Variants in ATAD2B observed in about 807,000 individuals in gnomAD.
The protein encoded by ATAD2B is ATPase family AAA domain-containing protein 2B.
Under a neutral mutation model 167.6 loss-of-function variants are expected in ATAD2B, and 40 were observed. That is an observed-to-expected ratio of 0.24 (90% CI 0.19 to 0.31). The LOEUF (loss-of-function observed/expected upper bound fraction) is 0.31, where lower values mean the gene tolerates loss of function less well. ATAD2B is among the 10% of genes least tolerant of loss of function. The probability of loss-of-function intolerance (pLI) is 1.00; values close to 1 mark genes in which losing one functional copy is unlikely to be tolerated. For synonymous variants in ATAD2B, 579 were observed against 596.5 expected, an observed-to-expected ratio of 0.97 and a Z score of 0.43; for missense variants, 1,242 against 1,757.2, an observed-to-expected ratio of 0.71 and a Z score of 5.24.
intron 19 of ATAD2B, among the ~76,000 whole-genome samples, chr2:23,792,812 A>C (rs1183200819): frequency 2.0e-5 from 3 of 151,706 alleles, no homozygotes; most frequent in Non-Finnish European, 4.4e-5. Flanking sequence ...AATACAAAAA[A>C]TTAGCTGGGC....
chr2:23,703,616 G>T, the ATAD2B span: 2 of 1,358,972 alleles, frequency 1.5e-6, no homozygotes, highest in Admixed American at 2.6e-5. Context: ...TCACTTGTTG[G>T]AAGTCTTTCG....
At chr2:23,694,503 A>G in the ATAD2B span, among the ~76,000 whole-genome samples, 1 of 152,096 alleles carries the variant, frequency 6.6e-6, no homozygotes, top group Non-Finnish European at 1.5e-5. Context: ...CATCTCATCC[A>G]TCCACTCAAA....
chr2:23,882,330 C>T (rs952140828), intron 6 of ATAD2B, among the ~76,000 whole-genome samples: 24 of 151,544 alleles, frequency 1.6e-4, no homozygotes, highest in African/African-American at 5.8e-4. Context: ...CGAGTAGCTG[C>T]GATTACAGGC....
chr2:23,852,120 G>A (rs1238269816), intron 13 of ATAD2B, among the ~76,000 whole-genome samples: 1 of 152,110 alleles, frequency 6.6e-6, no homozygotes, highest in African/African-American at 2.4e-5. Context: ...TAGAAAACTT[G>A]AACAGCCCTG....
chr2:23,812,415 G>A (rs1004245324), intron 17 of ATAD2B, among the ~76,000 whole-genome samples: 1 of 151,972 alleles, frequency 6.6e-6, no homozygotes, highest in South Asian at 2.1e-4. Flanking sequence ...ACATAAAGAC[G>A]TCAATTCTTC....
intron 17 of ATAD2B, among the ~76,000 whole-genome samples, chr2:23,818,998 C>T (rs1298592288): frequency 1.1e-4 from 16 of 152,060 alleles, no homozygotes; most frequent in African/African-American, 2.4e-5. Context: ...ATTTCTAAAT[C>T]GAAATCTCTT....
intron 12 of ATAD2B, among the ~76,000 whole-genome samples, chr2:23,862,729 C>G (rs542970494): frequency 1.1e-4 from 16 of 152,294 alleles, no homozygotes; most frequent in African/African-American, 3.6e-4. Flanking sequence ...ATTTACAGCT[C>G]ATGAAAATAA....
intron 6 of ATAD2B, among the ~76,000 whole-genome samples, chr2:23,882,122 G>A (rs1037001748): frequency 6.6e-6 from 1 of 152,188 alleles, no homozygotes; most frequent in Non-Finnish European, 1.5e-5. Context: ...ATACTTAGGA[G>A]GCTAAGGCGG....
chr2:23,839,985 G>C (rs968569845), intron 13 of ATAD2B, among the ~76,000 whole-genome samples: 2 of 152,062 alleles, frequency 1.3e-5, no homozygotes, highest in African/African-American at 4.8e-5. Context: ...GGATCATACA[G>C]TAAGTACTCT....
intron 1 of ATAD2B, among the ~76,000 whole-genome samples, chr2:23,922,905 G>A (rs1650376259): frequency 6.6e-6 from 1 of 152,146 alleles, no homozygotes; most frequent in African/African-American, 2.4e-5. Flanking sequence ...GTACATGTCA[G>A]TAGAAATGCA....
chr2:23,877,518 GAGGGA>G (rs1337524367), intron 7 of ATAD2B, among the ~76,000 whole-genome samples: 7 of 91,312 alleles, frequency 7.7e-5, no homozygotes, highest in Non-Finnish European at 1.3e-4. Flanking sequence ...GAGGGAAGGG[GAGGGA>G]AGGGGAGGGG....
At chr2:23,740,123 C>G in the ATAD2B span, among the ~76,000 whole-genome samples, 1 of 152,166 alleles carries the variant, frequency 6.6e-6, no homozygotes, top group African/African-American at 2.4e-5. Flanking sequence ...ACCAGAGGTA[C>G]AAAGAGGAGC....
At chr2:23,824,576 AT>A (rs1367829539) in intron 15 of ATAD2B, among the ~76,000 whole-genome samples, 1 of 152,182 alleles carries the variant, frequency 6.6e-6, no homozygotes, top group African/African-American at 2.4e-5. Flanking sequence ...CATTAAAAAT[AT>A]TTCCACTGAT....
the ATAD2B span, chr2:23,695,941 G>A: frequency 6.4e-6 from 10 of 1,550,558 alleles, no homozygotes; most frequent in Non-Finnish European, 8.7e-6. The surrounding 1 kb of genome is among the most constrained non-coding windows in gnomAD (Gnocchi z 7.6). Flanking sequence ...GCCCATCCAT[G>A]TCCCTGCAGG....
chr2:23,679,623 T>C, the ATAD2B span, among the ~76,000 whole-genome samples: 1 of 142,684 alleles, frequency 7.0e-6, no homozygotes, highest in Admixed American at 7.0e-5. Context: ...TATATATATA[T>C]GTATGCCAGG....
intron 16 of ATAD2B, among the ~76,000 whole-genome samples, chr2:23,822,046 G>A (rs1687525651): frequency 6.6e-6 from 1 of 152,200 alleles, no homozygotes; most frequent in Non-Finnish European, 1.5e-5. Flanking sequence ...CCTCTAAAAT[G>A]AGGTTCTTAT....
chr2:23,728,287 C>A, the ATAD2B span, among the ~76,000 whole-genome samples: 1 of 151,836 alleles, frequency 6.6e-6, no homozygotes, highest in Non-Finnish European at 1.5e-5. Context: ...ATAATAGTTC[C>A]CTTTTGTATA....
chr2:23,857,741 T>TTC (rs1426392158), intron 12 of ATAD2B, among the ~76,000 whole-genome samples: 1 of 118,378 alleles, frequency 8.4e-6, no homozygotes, highest in Non-Finnish European at 2.0e-5. Flanking sequence ...CAAAGTGTAT[T>TTC]TTTTTTTTTT....
the ATAD2B span, chr2:23,690,641 A>T: frequency 6.6e-6 from 1 of 152,014 alleles, no homozygotes; most frequent in Non-Finnish European, 1.5e-5. Flanking sequence ...TACTCAGAGG[A>T]GCCAGGATGG....
Sources: allele counts gnomAD v4.1 joint callset (sites outside exome capture counted in the v4.1 genomes callset), GRCh38; gene constraint gnomAD v4.1.1; non-coding constraint Gnocchi (gnomAD v3.1); transcripts MANE v1.5; gene names NCBI Gene and HGNC (gene_info 2026-07-23, HGNC 2026-07-21).